LRP2: variants seen among roughly 807,000 people sequenced by gnomAD.
The protein encoded by LRP2 is low-density lipoprotein receptor-related protein 2.
Under a neutral mutation model 531.0 loss-of-function variants are expected in LRP2, and 172 were observed. That is an observed-to-expected ratio of 0.32 (90% CI 0.29 to 0.37). The LOEUF is 0.37. Among genes scored for constraint, LRP2 ranks in the 10% least tolerant of loss-of-function variants. The probability of loss-of-function intolerance (pLI) is 1.00; values close to 1 mark genes in which losing one functional copy is unlikely to be tolerated. For synonymous variants in LRP2, 1,992 were observed against 2,027.6 expected, an observed-to-expected ratio of 0.98 and a Z score of 0.47; for missense variants, 5,167 against 5,868.3, an observed-to-expected ratio of 0.88 and a Z score of 3.90.
intron 76 of LRP2, among the ~76,000 whole-genome samples, chr2:169,132,973 T>C (rs752984311): frequency 2.6e-4 from 39 of 152,210 alleles, no homozygotes; most frequent in Non-Finnish European, 3.1e-4. Flanking sequence ...CTGTATTCTC[T>C]ATACCTTCTT....
chr2:169,165,134 C>T (rs867664272), intron 62 of LRP2, among the ~76,000 whole-genome samples: 2 of 152,118 alleles, frequency 1.3e-5, no homozygotes, highest in Admixed American at 6.5e-5. Context: ...TGTGGCAAAG[C>T]GTTCTAAGAC....
intron 62 of LRP2, among the ~76,000 whole-genome samples, chr2:169,164,650 T>C (rs1686717877): frequency 6.6e-6 from 1 of 152,182 alleles, no homozygotes; most frequent in Non-Finnish European, 1.5e-5. Flanking sequence ...AATTATGGGA[T>C]GGAGGAGGGT....
intron 4 of LRP2, 103 bp from the exon 5 acceptor site, chr2:169,294,813 C>A: frequency 1.4e-6 from 1 of 718,100 alleles, no homozygotes. Context: ...ATATGCAAGT[C>A]ACTAAATGCA....
At chr2:169,161,227 G>C (rs966769590) in intron 63 of LRP2, among the ~76,000 whole-genome samples, 1 of 152,198 alleles carries the variant, frequency 6.6e-6, no homozygotes, top group South Asian at 2.1e-4. Flanking sequence ...CCACAAGGAA[G>C]TTACTTAAGC....
rs759252444 is a variant in LRP2, at chr2:169,176,514, T to C, written c.10468A>G (p.Thr3490Ala). 2 of 1,614,220 alleles carry C rather than the reference T, an allele frequency of 1.2e-6. No homozygotes were observed. The highest frequency in any genetic ancestry group is 1.1e-5 in the South Asian group (1 of 91,088). ...CGGAAGTCATCTGGACACTCGCAAG[T>C]GAACCCTTTTCCTCCTGGCTTGATG... ...CLIKPGGKGF[T>A]CECPDDFRTL... The change falls in exon 54 of 79, where the codon ACT (threonine) becomes GCT (alanine). Residue 3490 changes from threonine (T) to alanine (A), a missense_variant. Coordinates refer to ENST00000649046, the MANE Select transcript of LRP2 (RefSeq NM_004525.3).
At chr2:169,182,707 C>T in intron 50 of LRP2, 3 of 840,516 alleles carry the variant, frequency 3.6e-6, no homozygotes, top group Non-Finnish European at 4.3e-6. Context: ...AGGAAACACA[C>T]TTGTCTAAGT....
intron 33 of LRP2, 30 bp from the exon 34 acceptor site, chr2:169,220,593 A>G (rs928819587): frequency 1.2e-5 from 18 of 1,482,804 alleles, no homozygotes; most frequent in Non-Finnish European, 1.6e-5. Flanking sequence ...ATTAGAACTG[A>G]CTTTCATAAG....
intron 50 of LRP2, among the ~76,000 whole-genome samples, chr2:169,184,971 G>C (rs1182063420): frequency 6.6e-6 from 1 of 152,098 alleles, no homozygotes; most frequent in Non-Finnish European, 1.5e-5. Flanking sequence ...ATGTTGCCCA[G>C]GCTGGTCTTG....
Position 169,198,997 on chromosome 2 carries a change from G to A in LRP2, c.8453-86C>T, listed in dbSNP as rs1688098515. ...GTATCCGTGCTAACACATCTATTGT[G>A]GAACTCAAACCACTGGAAGGGCGGC... On this transcript the variant is annotated intron_variant, in intron 44 of 78. Coordinates refer to ENST00000649046, the MANE Select transcript of LRP2 (RefSeq NM_004525.3). 3.3e-5 allele frequency: 47 copies of A among 1,441,196 alleles called. No homozygotes were observed. The South Asian group carries it at 5.4e-4, about 17-fold the overall frequency. 89.3% of individuals were successfully genotyped at this position (1,441,196 alleles called of 1,614,324 possible).
chr2:169,187,903 G>A (rs1447611159), intron 49 of LRP2, 67 bp downstream of exon 49: 21 of 1,527,474 alleles, frequency 1.4e-5, no homozygotes, highest in African/African-American at 5.5e-5. Context: ...AGTCTAAGTC[G>A]TGAAGGGTTG....
intron 1 of LRP2, among the ~76,000 whole-genome samples, chr2:169,350,310 G>A (rs1685812507): frequency 6.6e-6 from 1 of 152,164 alleles, no homozygotes; most frequent in South Asian, 2.1e-4. Flanking sequence ...TGGCCAGCCA[G>A]GTGGACATGT....
intron 1 of LRP2, among the ~76,000 whole-genome samples, chr2:169,327,759 G>A (rs1685133642): frequency 7.8e-6 from 1 of 128,760 alleles, no homozygotes; most frequent in Admixed American, 7.2e-5. Context: ...GGGAGGTGGG[G>A]GGGTCAGCCC....
intron 65 of LRP2, among the ~76,000 whole-genome samples, chr2:169,155,226 C>T (rs574165765): frequency 6.6e-6 from 1 of 152,278 alleles, no homozygotes; most frequent in South Asian, 2.1e-4. Context: ...ATAATGTCAA[C>T]TGAATCCAAT....
intron 13 of LRP2, 161 bp from the exon 14 acceptor site, chr2:169,275,399 A>G: frequency 1.5e-6 from 1 of 645,426 alleles, no homozygotes; most frequent in Non-Finnish European, 2.7e-6. Flanking sequence ...ACATATTTCC[A>G]TCTACATATG....
chr2:169,328,901 C>A (rs968815823), intron 1 of LRP2, among the ~76,000 whole-genome samples: 1 of 152,202 alleles, frequency 6.6e-6, no homozygotes, highest in Admixed American at 6.5e-5. Context: ...GCTTCCCATG[C>A]ATTACCTTAC....
chr2:169,259,848 A>C (rs1466510298), intron 16 of LRP2, among the ~76,000 whole-genome samples: 1 of 152,052 alleles, frequency 6.6e-6, no homozygotes, highest in Non-Finnish European at 1.5e-5. Flanking sequence ...ATAAACAGCC[A>C]TACCTCTTTC....
chr2:169,175,943 T>C (rs1462036554), intron 54 of LRP2, among the ~76,000 whole-genome samples: 1 of 152,180 alleles, frequency 6.6e-6, no homozygotes, highest in Non-Finnish European at 1.5e-5. Flanking sequence ...CTGTGGACAT[T>C]GTTAAGAAAA....
At chr2:169,130,356 C>T (rs958266460) in intron 77 of LRP2, among the ~76,000 whole-genome samples, 1 of 150,002 alleles carries the variant, frequency 6.7e-6, no homozygotes, top group Non-Finnish European at 1.5e-5. Flanking sequence ...GTCACAGTCT[C>T]GGCCCACTAC....
intron 14 of LRP2, among the ~76,000 whole-genome samples, chr2:169,274,558 A>G (rs1559051980): frequency 6.6e-6 from 1 of 152,208 alleles, no homozygotes; most frequent in Non-Finnish European, 1.5e-5. Flanking sequence ...CAGATTAATC[A>G]GAACCAAAGA....
Sources: allele counts gnomAD v4.1 joint callset (sites outside exome capture counted in the v4.1 genomes callset), GRCh38; gene constraint gnomAD v4.1.1; transcripts MANE v1.5; gene names NCBI Gene and HGNC (gene_info 2026-07-23, HGNC 2026-07-21).